Variants in GRM8 observed in about 807,000 individuals in gnomAD.
The protein encoded by GRM8 is metabotropic glutamate receptor 8.
GRM8 carries 47 observed loss-of-function variants against 87.2 expected under a neutral mutation model. That is an observed-to-expected ratio of 0.54 (90% CI 0.43 to 0.69). The LOEUF is 0.69. Among genes scored for constraint, GRM8 ranks in the 30% least tolerant of loss-of-function variants. The pLI is 0.00. For missense variants in GRM8, 1,019 were observed against 1,139.2 expected, an observed-to-expected ratio of 0.89 and a Z score of 1.52; for synonymous variants, 396 against 404.5, an observed-to-expected ratio of 0.98 and a Z score of 0.25.
chr7:127,102,709 C>T (rs1168837088), intron 3 of GRM8, among the ~76,000 whole-genome samples: 6 of 152,192 alleles, frequency 3.9e-5, no homozygotes, highest in African/African-American at 9.7e-5. Context: ...TATGGAAAAG[C>T]CTGGGCACCC....
intron 3 of GRM8, among the ~76,000 whole-genome samples, chr7:127,027,409 T>G (rs1041786558): frequency 6.6e-6 from 1 of 152,232 alleles, no homozygotes; most frequent in African/African-American, 2.4e-5. Flanking sequence ...GCATTGAATC[T>G]ATAAATCACC....
At chr7:126,853,502 C>G (rs1356906073) in intron 6 of GRM8, among the ~76,000 whole-genome samples, 1 of 152,158 alleles carries the variant, frequency 6.6e-6, no homozygotes, top group Non-Finnish European at 1.5e-5. Context: ...GCAGTTAGGA[C>G]TCTTCCTGGA....
chr7:127,036,262 A>G (rs1357020025), intron 3 of GRM8, among the ~76,000 whole-genome samples: 1 of 152,208 alleles, frequency 6.6e-6, no homozygotes, highest in Non-Finnish European at 1.5e-5. Flanking sequence ...TGATACAACT[A>G]GTAAATCTCC....
chr7:126,588,437 C>A (rs1796368768), intron 8 of GRM8, among the ~76,000 whole-genome samples: 1 of 152,198 alleles, frequency 6.6e-6, no homozygotes. Context: ...TTCGACCCAG[C>A]AATCTCATTA....
At chr7:126,812,442 T>A (rs1047167446) in intron 6 of GRM8, among the ~76,000 whole-genome samples, 2 of 152,012 alleles carry the variant, frequency 1.3e-5, no homozygotes, top group Admixed American at 1.3e-4. Flanking sequence ...ATAGTATAAG[T>A]AATTGTAACA....
At chr7:127,040,151 G>C (rs971493490) in intron 3 of GRM8, among the ~76,000 whole-genome samples, 4 of 150,300 alleles carry the variant, frequency 2.7e-5, no homozygotes, top group African/African-American at 7.4e-5. Context: ...CAGGTCTAAG[G>C]CAAGTTTTGC....
At chr7:126,707,911 T>TA (rs1161332307) in intron 7 of GRM8, among the ~76,000 whole-genome samples, 3 of 151,866 alleles carry the variant, frequency 2.0e-5, no homozygotes, top group African/African-American at 7.3e-5. Context: ...TGTATCAAAC[T>TA]AAAAAGCTTC....
At position 126,438,950 on chromosome 7, in the gene GRM8, C is replaced by T. The variant is rs1801142886; in HGVS notation, c.*169G>A. 1.7e-6 allele frequency: 1 copy of T among 575,946 alleles called. No homozygotes were observed. The highest frequency in any genetic ancestry group is 2.9e-5 in the Admixed American group (1 of 34,250). 35.7% of individuals were successfully genotyped at this position (575,946 alleles called of 1,614,324 possible). A position where few individuals can be genotyped will look rare whatever the true frequency, so the allele number is the denominator to read the frequency against. Reference sequence around the variant, plus strand: ...TGTATAAAACGGGTTTCTTCACTCCCCGTTTATTGATACTTTTGGCTCATG... The same window carrying T: ...TGTATAAAACGGGTTTCTTCACTCCTCGTTTATTGATACTTTTGGCTCATG... On this transcript the variant is annotated 3_prime_UTR_variant, in exon 11 of 11. Coordinates refer to ENST00000339582, the MANE Select transcript of GRM8 (RefSeq NM_000845.3).
At position 127,097,137 on chromosome 7, in the gene GRM8, T is replaced by C. The variant is rs144013921; in HGVS notation, c.727+9359A>G. 2.9e-3 allele frequency among the ~76,000 whole-genome samples: 437 copies of C among 152,030 alleles called. 2 individuals carry two copies. The Middle Eastern group carries it at 0.031, about 11-fold the overall frequency. On this transcript the variant is annotated intron_variant, in intron 3 of 10. Transcript: ENST00000339582. ...CTGATAGAAAAGATTGACAGAGAAA[T>C]CAGCACTACAATCAGAGTGGCAAGT... is the stretch of plus-strand genomic sequence containing the variant.
At chr7:127,029,280 T>G (rs1817121449) in intron 3 of GRM8, among the ~76,000 whole-genome samples, 1 of 152,202 alleles carries the variant, frequency 6.6e-6, no homozygotes, top group Non-Finnish European at 1.5e-5. Context: ...TTAGAATAAG[T>G]GCAATGTGGT....
intron 6 of GRM8, among the ~76,000 whole-genome samples, chr7:126,780,131 T>C (rs1819902360): frequency 6.6e-6 from 1 of 152,224 alleles, no homozygotes; most frequent in South Asian, 2.1e-4. Context: ...TCAGTATATA[T>C]TCATATATTC....
chr7:126,970,587 CT>C (rs1810322290), intron 3 of GRM8, among the ~76,000 whole-genome samples: 1 of 152,086 alleles, frequency 6.6e-6, no homozygotes, highest in Non-Finnish European at 1.5e-5. Flanking sequence ...ACCACAAAAA[CT>C]TTCTCTATAT....
intron 7 of GRM8, among the ~76,000 whole-genome samples, chr7:126,717,614 C>A (rs1423200127): frequency 1.3e-5 from 2 of 152,100 alleles, no homozygotes; most frequent in Non-Finnish European, 2.9e-5. Context: ...TGTAGTGTAA[C>A]CTGCATTTCT....
intron 7 of GRM8, among the ~76,000 whole-genome samples, chr7:126,626,339 C>T (rs1192416295): frequency 6.6e-6 from 1 of 152,052 alleles, no homozygotes; most frequent in Non-Finnish European, 1.5e-5. Context: ...ACATTTTTTA[C>T]TAAGAGTTTT....
At chr7:127,133,721 A>G (rs1827811645) in intron 2 of GRM8, among the ~76,000 whole-genome samples, 1 of 143,102 alleles carries the variant, frequency 7.0e-6, no homozygotes, top group Non-Finnish European at 1.5e-5. Flanking sequence ...AAAAAAAAAA[A>G]AAAAAAAATT....
intron 2 of GRM8, among the ~76,000 whole-genome samples, chr7:127,154,688 A>C (rs962354524): frequency 1.3e-5 from 2 of 152,074 alleles, no homozygotes; most frequent in Admixed American, 1.3e-4. Flanking sequence ...CATTTCTTAG[A>C]TATCAATTCT....
intron 7 of GRM8, among the ~76,000 whole-genome samples, chr7:126,768,093 T>C (rs1212367223): frequency 6.6e-6 from 1 of 152,004 alleles, no homozygotes; most frequent in African/African-American, 2.4e-5. Context: ...CTCAGACACC[T>C]ACTCCCTTCA....
At chr7:126,738,345 G>A (rs976429452) in intron 7 of GRM8, among the ~76,000 whole-genome samples, 3 of 152,018 alleles carry the variant, frequency 2.0e-5, no homozygotes, top group African/African-American at 4.8e-5. Flanking sequence ...GGAATAAAAT[G>A]TTACTGAAAT....
At chr7:127,171,301 T>C (rs564850529) in intron 2 of GRM8, among the ~76,000 whole-genome samples, 1 of 152,328 alleles carries the variant, frequency 6.6e-6, no homozygotes, top group Admixed American at 6.5e-5. Flanking sequence ...GTGATCATTA[T>C]TGAAATGACA....
Sources: gnomAD v4.1 joint callset for allele counts (sites outside exome capture counted in the v4.1 genomes callset) on GRCh38, gnomAD v4.1.1 for gene constraint, MANE v1.5 for transcripts, NCBI Gene and HGNC (gene_info 2026-07-23, HGNC 2026-07-21) for gene names.